PHF21B: variants seen among roughly 807,000 people sequenced by gnomAD.
The protein encoded by PHF21B is PHD finger protein 4.
A neutral mutation model predicts 62.2 loss-of-function variants in PHF21B; 22 were observed. The observed-to-expected ratio is 0.35, with a 90% CI of 0.25 to 0.51. PHF21B has a LOEUF of 0.51. Among genes scored for constraint, PHF21B ranks in the 20% least tolerant of loss-of-function variants. PHF21B has a pLI of 0.97. For missense variants in PHF21B, 701 were observed against 707.9 expected (o/e 0.99, Z 0.11); for synonymous variants, 341 against 314.7 (o/e 1.08, Z -0.88).
chr22:44,999,633 G>A (rs1480375404), intron 2 of PHF21B, among the ~76,000 whole-genome samples: 67 of 152,166 alleles, frequency 4.4e-4, no homozygotes, highest in Admixed American at 4.4e-3. Context: ...GTGCCCCGGA[G>A]TAACAGTCCA....
intron 12 of PHF21B, among the ~76,000 whole-genome samples, 184 bp from the exon 13 acceptor site, chr22:44,883,488 G>A (rs2070774263): frequency 6.6e-6 from 1 of 152,202 alleles, no homozygotes; most frequent in Non-Finnish European, 1.5e-5. Context: ...CACAGGAGAT[G>A]ATGCTCGCTT....
At chr22:44,968,044 C>G (rs1449978857) in intron 2 of PHF21B, among the ~76,000 whole-genome samples, 1 of 151,990 alleles carries the variant, frequency 6.6e-6, no homozygotes, top group Non-Finnish European at 1.5e-5. Context: ...TTGGTGTTGA[C>G]CTTGGTGACC....
intron 2 of PHF21B, among the ~76,000 whole-genome samples, chr22:44,979,603 TC>T (rs1017619412): frequency 9.2e-5 from 14 of 152,158 alleles, no homozygotes; most frequent in African/African-American, 3.1e-4. Flanking sequence ...GCTGTGCCTC[TC>T]CCCTCTTGGC....
chr22:44,899,603 TCTC>T (rs960423168), intron 5 of PHF21B, among the ~76,000 whole-genome samples: 1 of 152,154 alleles, frequency 6.6e-6, no homozygotes, highest in African/African-American at 2.4e-5. Flanking sequence ...TCTTTTTTCT[TCTC>T]CTTCTCCTCT....
intron 8 of PHF21B, 50 bp from the exon 9 acceptor site, chr22:44,889,832 C>G (rs1601566132): frequency 4.6e-6 from 7 of 1,527,810 alleles, no homozygotes; most frequent in Non-Finnish European, 5.2e-6. Flanking sequence ...GTCAGAGGAG[C>G]ACAGATCAGG....
chr22:44,967,995 C>T (rs576415434), intron 2 of PHF21B, among the ~76,000 whole-genome samples: 4 of 152,252 alleles, frequency 2.6e-5, no homozygotes, highest in African/African-American at 4.8e-5. Flanking sequence ...ATTTCCATCA[C>T]GTATCAAGAG....
At chr22:44,938,941 A>G (rs1178632583) in intron 2 of PHF21B, among the ~76,000 whole-genome samples, 1 of 152,236 alleles carries the variant, frequency 6.6e-6, no homozygotes, top group African/African-American at 2.4e-5. Context: ...CTGGACCTGC[A>G]GAAAAGCAGG....
intron 5 of PHF21B, among the ~76,000 whole-genome samples, chr22:44,897,983 A>AT (rs769256133): frequency 6.6e-6 from 1 of 152,066 alleles, no homozygotes; most frequent in East Asian, 1.9e-4. Context: ...TAATTTTTAA[A>AT]TTTTTTGTAG....
intron 6 of PHF21B, among the ~76,000 whole-genome samples, 157 bp from the exon 7 acceptor site, chr22:44,893,690 G>A (rs2071007533): frequency 6.6e-6 from 1 of 152,208 alleles, no homozygotes; most frequent in Non-Finnish European, 1.5e-5. Context: ...GTGGGTTAGG[G>A]CCTCCAGGAA....
intron 2 of PHF21B, among the ~76,000 whole-genome samples, chr22:44,990,792 C>A (rs1015291455): frequency 1.3e-5 from 2 of 152,196 alleles, no homozygotes; most frequent in Admixed American, 1.3e-4. Context: ...TGTTGCTAAA[C>A]TGGGCACTTA....
At chr22:44,892,538 C>T (rs989628539) in intron 7 of PHF21B, among the ~76,000 whole-genome samples, 2 of 152,364 alleles carry the variant, frequency 1.3e-5, no homozygotes, top group African/African-American at 2.4e-5. Context: ...CAGCACTTTC[C>T]TCACCTTCCT....
In PHF21B at chr22:44,949,317, A is replaced by G. The variant is rs569230168; in HGVS notation, c.121-28827T>C. On this transcript the variant is annotated intron_variant, in intron 2 of 12. Coordinates refer to ENST00000313237, the MANE Select transcript of PHF21B (RefSeq NM_138415.5). ...ACTCCATCTCAAAAAAAAGAAAAAA[A>G]AAAAAAAAGAAAAAAGAGAGCTGAG... Among the ~76,000 whole-genome samples the G allele has an allele frequency of 1.8e-3, 269 of 150,658 alleles. 4 individuals carry two copies. The highest frequency in any genetic ancestry group is 5.9e-3 in the African/African-American group (242 of 40,976).
At chr22:44,980,879 G>A (rs937369462) in intron 2 of PHF21B, among the ~76,000 whole-genome samples, 2 of 152,202 alleles carry the variant, frequency 1.3e-5, no homozygotes, top group Non-Finnish European at 2.9e-5. Context: ...CTGCCGCCCA[G>A]AGTCATCACA....
intron 2 of PHF21B, among the ~76,000 whole-genome samples, chr22:44,925,521 C>T (rs974746232): frequency 6.6e-6 from 1 of 152,184 alleles, no homozygotes; most frequent in Non-Finnish European, 1.5e-5. Flanking sequence ...GAGCCAACTG[C>T]CTGTCTCTCT....
At chr22:44,884,736 A>G (rs1391000003) in intron 12 of PHF21B, among the ~76,000 whole-genome samples, 2 of 126,502 alleles carry the variant, frequency 1.6e-5, no homozygotes, top group Non-Finnish European at 3.7e-5. Flanking sequence ...CACCACCACC[A>G]TCACTGTGAT....
intron 3 of PHF21B, among the ~76,000 whole-genome samples, chr22:44,918,986 C>A (rs905923911): frequency 6.6e-6 from 1 of 152,204 alleles, no homozygotes; most frequent in Non-Finnish European, 1.5e-5. Flanking sequence ...CTCCCTCCCT[C>A]AGTGCTTTGA....
At chr22:44,952,071 G>A (rs935174516) in intron 2 of PHF21B, among the ~76,000 whole-genome samples, 2 of 152,176 alleles carry the variant, frequency 1.3e-5, no homozygotes, top group Non-Finnish European at 2.9e-5. Context: ...GGCTGGGTAC[G>A]GTGGCTCACA....
At chr22:44,909,576 G>A (rs1487542356) in intron 5 of PHF21B, among the ~76,000 whole-genome samples, 3 of 152,244 alleles carry the variant, frequency 2.0e-5, no homozygotes, top group South Asian at 4.1e-4. Flanking sequence ...AAGATATTCC[G>A]TGGCTCCCCA....
chr22:44,959,535 C>G (rs1601645997), intron 2 of PHF21B, among the ~76,000 whole-genome samples: 1 of 152,284 alleles, frequency 6.6e-6, no homozygotes, highest in Non-Finnish European at 1.5e-5. Flanking sequence ...ACCTGGCTGC[C>G]CCGGCTCTGA....
Sources: gnomAD v4.1 joint callset for allele counts (sites outside exome capture counted in the v4.1 genomes callset) on GRCh38, gnomAD v4.1.1 for gene constraint, MANE v1.5 for transcripts, NCBI Gene and HGNC (gene_info 2026-07-23, HGNC 2026-07-21) for gene names.